JAK2: variants seen among roughly 807,000 people sequenced by gnomAD.
The protein encoded by JAK2 is Janus kinase 2, also known as tyrosine-protein kinase JAK2.
Under a neutral mutation model 139.3 loss-of-function variants are expected in JAK2, and 86 were observed. That is an observed-to-expected ratio of 0.62 (90% confidence interval 0.52 to 0.74). JAK2 has a LOEUF of 0.74. JAK2 is among the 30% of genes least tolerant of loss of function. JAK2 has a pLI of 0.00. For synonymous variants in JAK2, 490 were observed against 437.7 expected, an observed-to-expected ratio of 1.12 and a Z score of -1.49; for missense variants, 1,421 against 1,360.3, an observed-to-expected ratio of 1.04 and a Z score of -0.70.
intron 2 of JAK2, among the ~76,000 whole-genome samples, chr9:5,018,836 C>A (rs1371141514): frequency 6.6e-6 from 1 of 151,768 alleles, no homozygotes; most frequent in East Asian, 1.9e-4. Flanking sequence ...TATATCGTTC[C>A]ATTCTCTTCC....
chr9:5,090,650 A>G (rs535250969), intron 21 of JAK2, 80 bp downstream of exon 21: 151 of 1,512,528 alleles, frequency 1.0e-4, no homozygotes, highest in South Asian at 4.7e-4. Flanking sequence ...AGACGTTTTC[A>G]TAGATAATAA....
intron 22 of JAK2, among the ~76,000 whole-genome samples, chr9:5,103,778 C>T (rs1478466796): frequency 6.6e-6 from 1 of 152,188 alleles, no homozygotes; most frequent in Non-Finnish European, 1.5e-5. Flanking sequence ...CAAAACCGCA[C>T]AACTTCATGG....
chr9:5,033,456 A>C (rs1458340287), intron 4 of JAK2, among the ~76,000 whole-genome samples: 1 of 152,222 alleles, frequency 6.6e-6, no homozygotes, highest in Non-Finnish European at 1.5e-5. Flanking sequence ...ACCAAAGTTG[A>C]AATGAAGGAA....
intron 2 of JAK2, among the ~76,000 whole-genome samples, chr9:5,021,407 G>C (rs1822420777): frequency 6.6e-6 from 1 of 152,064 alleles, no homozygotes; most frequent in Admixed American, 6.6e-5. Context: ...TTCATGTTAG[G>C]ATTTTATATC....
intron 4 of JAK2, chr9:5,041,316 G>A (rs1306351021): frequency 2.6e-6 from 2 of 773,474 alleles, no homozygotes; most frequent in African/African-American, 1.7e-5. Context: ...CACATCCCGT[G>A]CAGCCAGCAC....
At chr9:4,996,690 T>G (rs997811673) in intron 2 of JAK2, among the ~76,000 whole-genome samples, 7 of 151,940 alleles carry the variant, frequency 4.6e-5, no homozygotes, top group African/African-American at 1.7e-4. Flanking sequence ...AAAATTATCC[T>G]TGCCTTCACC....
At chr9:5,110,794 C>T (rs556797807) in intron 22 of JAK2, 89 of 411,028 alleles carry the variant, frequency 2.2e-4, no homozygotes, top group Admixed American at 4.3e-4. Context: ...CCGGGCCACG[C>T]GCGACGCCTG....
At chr9:5,103,410 G>T (rs1821687326) in intron 22 of JAK2, among the ~76,000 whole-genome samples, 1 of 151,822 alleles carries the variant, frequency 6.6e-6, no homozygotes. Flanking sequence ...GCAGCACCAA[G>T]ATTCATAAAG....
chr9:5,114,756 G>C lies in JAK2; in HGVS notation c.3060-8248G>C, dbSNP rs919508893. ...CATCTGCTCTGTGGTCCATGAGACA[G>C]CGACTGGCTCACAGACCGTCAAGTA... On this transcript the variant is annotated intron_variant, in intron 22 of 24. Coordinates refer to ENST00000381652, the MANE Select transcript of JAK2 (RefSeq NM_004972.4). 7 of 333,026 alleles carry C rather than the reference G, an allele frequency of 2.1e-5. No homozygotes were observed. In the Admixed American group the frequency reaches 2.3e-4, roughly 11 times the overall value. 20.6% of individuals were successfully genotyped at this position (333,026 alleles called of 1,614,324 possible).
intron 2 of JAK2, among the ~76,000 whole-genome samples, chr9:4,994,317 C>A (rs1313281934): frequency 6.6e-6 from 1 of 152,166 alleles, no homozygotes; most frequent in African/African-American, 2.4e-5. Flanking sequence ...ATTAACTGTA[C>A]TAGAACTGTT....
At chr9:4,985,053 TC>T (rs1344252385), upstream of JAK2, 1 of 152,128 alleles carries the variant, frequency 6.6e-6, no homozygotes, top group Non-Finnish European at 1.5e-5. Context: ...CGTCCGGCTC[TC>T]CCCCAGCCTC....
chr9:5,021,480 G>A (rs1278608091), intron 2 of JAK2, among the ~76,000 whole-genome samples: 1 of 152,176 alleles, frequency 6.6e-6, no homozygotes. Flanking sequence ...AGTTTAAAAT[G>A]TATGATTTCT....
chr9:5,000,861 G>T (rs1279449047), intron 2 of JAK2, among the ~76,000 whole-genome samples: 3 of 152,096 alleles, frequency 2.0e-5, no homozygotes, highest in Non-Finnish European at 4.4e-5. Context: ...ATAACGTATT[G>T]GTTGGTTTGC....
At chr9:5,086,515 T>C (rs896121720) in intron 19 of JAK2, among the ~76,000 whole-genome samples, 1 of 152,206 alleles carries the variant, frequency 6.6e-6, no homozygotes, top group Non-Finnish European at 1.5e-5. Context: ...TTGGTCCACA[T>C]TCCTTGAATA....
intron 19 of JAK2, among the ~76,000 whole-genome samples, chr9:5,084,837 T>A (rs6476939): frequency 0.61 from 92,619 of 152,134 alleles, 30,398 homozygotes; most frequent in African/African-American, 0.87. Flanking sequence ...TTAAAAAGTT[T>A]TCTGAAAAAA....
At chr9:5,041,281 G>T in intron 4 of JAK2, 10 of 1,079,562 alleles carry the variant, frequency 9.3e-6, no homozygotes, top group Non-Finnish European at 1.2e-5. Context: ...TGGCCAAGGG[G>T]TACACTGGTC....
chr9:5,083,586 T>A (rs763042479), intron 19 of JAK2, among the ~76,000 whole-genome samples: 1 of 152,144 alleles, frequency 6.6e-6, no homozygotes, highest in Non-Finnish European at 1.5e-5. Context: ...TTGCTTGCCC[T>A]TTTTTTCCTT....
At chr9:5,107,377 T>C (rs898622967) in intron 22 of JAK2, among the ~76,000 whole-genome samples, 2 of 152,074 alleles carry the variant, frequency 1.3e-5, no homozygotes, top group Admixed American at 6.6e-5. Flanking sequence ...CCTCCCCTTT[T>C]CCATAAAATT....
intron 10 of JAK2, among the ~76,000 whole-genome samples, chr9:5,068,716 T>A (rs1298463684): frequency 1.3e-5 from 2 of 152,232 alleles, no homozygotes; most frequent in African/African-American, 4.8e-5. Flanking sequence ...ATATGCTACA[T>A]TTGTTTTAGG....
Sources: gnomAD v4.1 joint callset for allele counts (sites outside exome capture counted in the v4.1 genomes callset) on GRCh38, gnomAD v4.1.1 for gene constraint, MANE v1.5 for transcripts, NCBI Gene and HGNC (gene_info 2026-07-23, HGNC 2026-07-21) for gene names.